The following PEX3 variants were observed in gnomAD, a reference collection of about 807,000 sequenced individuals.
The protein encoded by PEX3 is peroxisomal biogenesis factor 3.
A neutral mutation model predicts 55.8 loss-of-function variants in PEX3; 30 were observed. The observed-to-expected ratio is 0.54, with a 90% CI of 0.40 to 0.73. The LOEUF (loss-of-function observed/expected upper bound fraction) is 0.73. Among genes scored for constraint, PEX3 ranks in the 30% least tolerant of loss-of-function variants. The probability of loss-of-function intolerance (pLI) is 0.00; values close to 1 mark genes in which losing one functional copy is unlikely to be tolerated. For missense variants in PEX3, 351 were observed against 432.8 expected (o/e 0.81, Z 1.68); for synonymous variants, 135 against 148.4 (o/e 0.91, Z 0.66).
At position 143,466,133 on chromosome 6, in the gene PEX3, G is replaced by A. The variant is rs1030692871; in HGVS notation, c.288-1989G>A. 2.0e-5 allele frequency among the ~76,000 whole-genome samples: 3 copies of A among 152,102 alleles called. No homozygotes were observed. The highest frequency in any genetic ancestry group is 4.8e-5 in the African/African-American group (2 of 41,454). On this transcript the variant is annotated intron_variant, in intron 3 of 11. Transcript: ENST00000367591. The surrounding 1 kb of genome is among the most constrained non-coding windows in gnomAD (Gnocchi z 5.4). ...ATGGTGTACTACACGTTGGTTAGAA[G>A]AGAAAAGTGGCTACCATCTGTATAC... is the stretch of plus-strand genomic sequence containing the variant.
chr6:143,454,499 T>G lies in PEX3; in HGVS notation c.73+3384T>G, dbSNP rs1054492057. Among the ~76,000 whole-genome samples, 1 of 152,226 alleles carries G rather than the reference T, an allele frequency of 6.6e-6. No homozygotes were observed. The highest frequency in any genetic ancestry group is 6.5e-5 in the Admixed American group (1 of 15,286). Reference sequence around the variant, plus strand: ...AATCCTGTAATCTCTGGCTTCACATTTTTTATTCATTCATTCATTCATTCT... The same window carrying G: ...AATCCTGTAATCTCTGGCTTCACATGTTTTATTCATTCATTCATTCATTCT... On this transcript the variant is annotated intron_variant, in intron 1 of 11. Transcript: ENST00000367591. The surrounding 1 kb of genome is among the most constrained non-coding windows in gnomAD (Gnocchi z 4.3).
chr6:143,463,062 A>T lies in PEX3; in HGVS notation c.287+65A>T, dbSNP rs1263801801. On this transcript the variant is annotated intron_variant, in intron 3 of 11. Coordinates refer to ENST00000367591, the MANE Select transcript of PEX3 (RefSeq NM_003630.3). The surrounding 1 kb of genome is among the most constrained non-coding windows in gnomAD (Gnocchi z 5.7). The stretch of plus-strand genomic sequence containing the variant: ...CTTAAAGTTTATAGAATGAACTGAT[A>T]GACTTTTCAAAAATCTTTGTTATTT... 1 of 1,163,848 alleles carries T rather than the reference A, an allele frequency of 8.6e-7. No individual in the cohort carries two copies. Among genetic ancestry groups the T allele is most frequent in the Non-Finnish European group, 1.3e-6 (1 of 778,314 alleles). The allele number at this position is 1,163,848 out of a possible 1,614,324, so 72.1% of individuals were successfully genotyped here. A position where few individuals can be genotyped will look rare whatever the true frequency, so the allele number is the denominator to read the frequency against.
intron 10 of PEX3, among the ~76,000 whole-genome samples, chr6:143,480,382 T>C (rs1780218626): frequency 6.6e-6 from 1 of 152,184 alleles, no homozygotes; most frequent in South Asian, 2.1e-4. Context: ...CACTGAAGAA[T>C]TGTAAAAATT....
rs377449002 is a variant in PEX3 at position 143,466,579 on chromosome 6, CAT to C, written c.288-1541_288-1540del. Among the ~76,000 whole-genome samples the C allele has an allele frequency of 2.1e-3, 312 of 152,056 alleles. No individual in the cohort carries two copies. Among genetic ancestry groups the C allele is most frequent in the African/African-American group, 7.0e-3 (290 of 41,514 alleles). On this transcript the variant is annotated intron_variant, in intron 3 of 11. Coordinates refer to ENST00000367591, the MANE Select transcript of PEX3 (RefSeq NM_003630.3). The surrounding 1 kb of genome is among the most constrained non-coding windows in gnomAD (Gnocchi z 5.4). ...ATAGGTATATATGTATAGGATAAAA[CAT>C]AGTATATGTAGGGGTTGGTACTATC... is the stretch of plus-strand genomic sequence containing the variant.
In PEX3 at chr6:143,451,285, G is replaced by A. The variant is rs1779758407; in HGVS notation, c.73+170G>A. Among the ~76,000 whole-genome samples, 1 of 152,132 alleles carries A rather than the reference G, an allele frequency of 6.6e-6. No individual in the cohort carries two copies. Among genetic ancestry groups the A allele is most frequent in the Non-Finnish European group, 1.5e-5 (1 of 68,026 alleles). On this transcript the variant is annotated intron_variant, in intron 1 of 11. Transcript: ENST00000367591. This position sits in a 1 kb window ranked among gnomAD's most constrained non-coding sequence, Gnocchi z 4.1. ...CAACCTCCAGGGTTCTCCCATCTCTGCAGTTGAGAAATGCCTCTGTGCCCT... is the reference window on the plus strand; with the variant it reads ...CAACCTCCAGGGTTCTCCCATCTCTACAGTTGAGAAATGCCTCTGTGCCCT...
At chr6:143,478,946 G>T in intron 9 of PEX3, 130 bp from the exon 10 acceptor site, 1 of 581,936 alleles carries the variant, frequency 1.7e-6, no homozygotes, top group Non-Finnish European at 3.1e-6. Context: ...TTGATTTCTT[G>T]ATATATTTTA....
At chr6:143,474,626 T>A (rs1686771556) in intron 8 of PEX3, among the ~76,000 whole-genome samples, 160 bp from the exon 9 acceptor site, 1 of 152,318 alleles carries the variant, frequency 6.6e-6, no homozygotes, top group Non-Finnish European at 1.5e-5. Context: ...ACATAAACCA[T>A]TACAGGTTTT....
Position 143,464,967 on chromosome 6 carries a change from T to G in PEX3, c.287+1970T>G, listed in dbSNP as rs1398024506. On this transcript the variant is annotated intron_variant, in intron 3 of 11. Coordinates refer to ENST00000367591, the MANE Select transcript of PEX3 (RefSeq NM_003630.3). This position sits in a 1 kb window ranked among gnomAD's most constrained non-coding sequence, Gnocchi z 5.8. Reference sequence around the variant, plus strand: ...ATTTTGCCAACTTCATAACAGCAAATAAACAGTTATCACTGTTTTTGATAT... The same window carrying G: ...ATTTTGCCAACTTCATAACAGCAAAGAAACAGTTATCACTGTTTTTGATAT... Among the ~76,000 whole-genome samples, 2 of 151,952 alleles carry G rather than the reference T, an allele frequency of 1.3e-5. No individual in the cohort carries two copies. The highest frequency in any genetic ancestry group is 2.9e-5 in the Non-Finnish European group (2 of 67,852).
chr6:143,472,092 G>A, intron 7 of PEX3, 68 bp from the exon 8 acceptor site: 1 of 1,051,918 alleles, frequency 9.5e-7, no homozygotes, highest in Non-Finnish European at 1.5e-6. Flanking sequence ...AGCCTGTTAA[G>A]AAAAGAGTGT....
chr6:143,461,505 A>T (rs958633167), intron 2 of PEX3, among the ~76,000 whole-genome samples: 12 of 152,184 alleles, frequency 7.9e-5, no homozygotes, highest in African/African-American at 2.7e-4. Context: ...TACAATTCAT[A>T]ACATGAGCAA....
At chr6:143,478,969 A>G (rs1360998296) in intron 9 of PEX3, 107 bp from the exon 10 acceptor site, 14 of 683,048 alleles carry the variant, frequency 2.0e-5, no homozygotes, top group Non-Finnish European at 3.5e-5. Flanking sequence ...GTATTAGATT[A>G]TGACTAGAAA....
At position 143,471,242 on chromosome 6, in the gene PEX3, T is replaced by C. The variant is rs1780069407; in HGVS notation, c.457-141T>C. ...ATGAATAATTTTTATATGTTGAAAC[T>C]AGAATTTTTGGTGTGTTAAAAATTA... On this transcript the variant is annotated intron_variant, in intron 5 of 11. Transcript: ENST00000367591. The surrounding 1 kb of genome is among the most constrained non-coding windows in gnomAD (Gnocchi z 5.4). 1.0e-6 allele frequency: 1 copy of C among 991,838 alleles called. No individual in the cohort carries two copies. Among genetic ancestry groups the C allele is most frequent in the Admixed American group, 2.1e-5 (1 of 47,838 alleles). 61.4% of individuals were successfully genotyped at this position (991,838 alleles called of 1,614,324 possible). A position where few individuals can be genotyped will look rare whatever the true frequency, so the allele number is the denominator to read the frequency against.
At chr6:143,469,766 A>T (rs1420314063) in intron 4 of PEX3, among the ~76,000 whole-genome samples, 1 of 152,176 alleles carries the variant, frequency 6.6e-6, no homozygotes, top group Non-Finnish European at 1.5e-5. Flanking sequence ...CAATGTCCTG[A>T]ATGGTATTGC....
Position 143,485,443 on chromosome 6 carries a change from A to T in PEX3, c.1038+195A>T, listed in dbSNP as rs1473398318. ...CATAGCAAATGTGTAAGTTTGGAGT[A>T]CCTTTCTCCGTGTTGTAGTCCAACA... is the stretch of plus-strand genomic sequence containing the variant. On this transcript the variant is annotated intron_variant, in intron 11 of 11. Coordinates refer to ENST00000367591, the MANE Select transcript of PEX3 (RefSeq NM_003630.3). This position sits in a 1 kb window ranked among gnomAD's most constrained non-coding sequence, Gnocchi z 5.6. Among the ~76,000 whole-genome samples, 2 of 152,036 alleles carry T rather than the reference A, an allele frequency of 1.3e-5. No homozygotes were observed. The highest frequency in any genetic ancestry group is 4.8e-5 in the African/African-American group (2 of 41,398).
At position 143,471,704 on chromosome 6, in the gene PEX3, C is replaced by T. The variant is rs1021511497; in HGVS notation, c.578+93C>T. 65 of 899,540 alleles carry T rather than the reference C, an allele frequency of 7.2e-5. No individual in the cohort carries two copies. The highest frequency in any genetic ancestry group is 3.2e-4 in the Middle Eastern group (1 of 3,142). 55.7% of individuals were successfully genotyped at this position (899,540 alleles called of 1,614,324 possible). A position where few individuals can be genotyped will look rare whatever the true frequency, so the allele number is the denominator to read the frequency against. On this transcript the variant is annotated intron_variant, in intron 7 of 11. Coordinates refer to ENST00000367591, the MANE Select transcript of PEX3 (RefSeq NM_003630.3). This position sits in a 1 kb window ranked among gnomAD's most constrained non-coding sequence, Gnocchi z 5.4. ...CTAGTGAAACCAGTGACTTGACAAA[C>T]GGTGATTTGTGAAACTCTTTGTAAT...
rs1232492554 is a variant in PEX3, at chr6:143,475,501, A to T, written c.818+645A>T. ...AACCCCATCTTAAACAAAAGAAAAAAAATTAGCCAGGCATGGTGGTGCACA... is the reference window on the plus strand; with the variant it reads ...AACCCCATCTTAAACAAAAGAAAAATAATTAGCCAGGCATGGTGGTGCACA... On this transcript the variant is annotated intron_variant, in intron 9 of 11. Transcript: ENST00000367591. The surrounding 1 kb of genome is among the most constrained non-coding windows in gnomAD (Gnocchi z 4.4). Among the ~76,000 whole-genome samples the T allele has an allele frequency of 6.6e-6, 1 of 152,138 alleles. No individual in the cohort carries two copies. Among genetic ancestry groups the T allele is most frequent in the Non-Finnish European group, 1.5e-5 (1 of 68,032 alleles).
chr6:143,485,781 G>GGAGTAATTCAGTAATTCATT lies in PEX3; in HGVS notation c.1038+560_1038+579dup, dbSNP rs1342575531. Among the ~76,000 whole-genome samples, 2 of 152,032 alleles carry GGAGTAATTCAGTAATTCATT rather than the reference G, an allele frequency of 1.3e-5. No individual in the cohort carries two copies. Among genetic ancestry groups the GGAGTAATTCAGTAATTCATT allele is most frequent in the Non-Finnish European group, 1.5e-5 (1 of 67,988 alleles). Reference sequence around the variant, plus strand: ...TTCTTCATTTCCATTTGGAATGCATGGAGTAATTCAGTAATTCATTGAGTA... The same window carrying GGAGTAATTCAGTAATTCATT: ...TTCTTCATTTCCATTTGGAATGCATGGAGTAATTCAGTAATTCATTGAGTAATTCAGTAATTCATTGAGTA... On this transcript the variant is annotated intron_variant, in intron 11 of 11. Coordinates refer to ENST00000367591, the MANE Select transcript of PEX3 (RefSeq NM_003630.3). This position sits in a 1 kb window ranked among gnomAD's most constrained non-coding sequence, Gnocchi z 5.6.
intron 8 of PEX3, among the ~76,000 whole-genome samples, chr6:143,473,662 A>G (rs1475733921): frequency 6.6e-6 from 1 of 152,128 alleles, no homozygotes; most frequent in East Asian, 1.9e-4. Context: ...CCAGGAGTTC[A>G]GGACCAGCCT....
Position 143,472,260 on chromosome 6 carries a change from A to G in PEX3, c.679A>G (p.Lys227Glu). 6.2e-7 allele frequency: 1 copy of G among 1,607,968 alleles called. No individual in the cohort carries two copies. The highest frequency in any genetic ancestry group is 8.5e-7 in the Non-Finnish European group (1 of 1,174,700). The change falls in exon 8 of 12, where the codon AAA (lysine) becomes GAA (glutamate). Residue 227 changes from lysine (K) to glutamate (E), a missense_variant. Coordinates refer to ENST00000367591, the MANE Select transcript of PEX3 (RefSeq NM_003630.3). ...GCATAAGTCTTCTTCTTGGATTAAT[A>G]AAGATGGATCCAAACCTTTATTATG... is the stretch of plus-strand genomic sequence containing the variant. ...EQHKSSSWINKDGSKPLLCHY... is the reference protein window; with the variant it reads ...EQHKSSSWINEDGSKPLLCHY...
Sources: gnomAD v4.1 joint callset for allele counts (sites outside exome capture counted in the v4.1 genomes callset) on GRCh38, gnomAD v4.1.1 for gene constraint, Gnocchi (gnomAD v3.1) non-coding constraint, MANE v1.5 for transcripts, NCBI Gene and HGNC (gene_info 2026-07-23, HGNC 2026-07-21) for gene names.